Variants in THADA observed in about 807,000 individuals in gnomAD.
THADA encodes the protein tRNA (32-2'-O)-methyltransferase regulator THADA.
A neutral mutation model predicts 219.8 loss-of-function variants in THADA; 213 were observed. The observed-to-expected ratio is 0.97, with a 90% confidence interval of 0.87 to 1.09. The LOEUF is 1.09. Ranked by LOEUF, THADA falls within the 50% of genes least tolerant of loss-of-function variation. The pLI is 0.00. For synonymous variants in THADA, 1,018 were observed against 828.9 expected (o/e 1.23, Z -3.92); for missense variants, 2,956 against 2,311.3 (o/e 1.28, Z -5.72).
chr2:43,500,780 T>A (rs1201426998), intron 24 of THADA, among the ~76,000 whole-genome samples: 1 of 152,136 alleles, frequency 6.6e-6, no homozygotes, highest in Non-Finnish European at 1.5e-5. Context: ...AAAACAAACT[T>A]AGCATTATTT....
At chr2:43,274,491 T>A (rs1672488468) in intron 36 of THADA, among the ~76,000 whole-genome samples, 1 of 152,144 alleles carries the variant, frequency 6.6e-6, no homozygotes, top group African/African-American at 2.4e-5. Flanking sequence ...TCTAAGTTCA[T>A]GAGGGCTAGT....
chr2:43,255,850 C>T (rs1670252973), intron 36 of THADA, among the ~76,000 whole-genome samples: 1 of 152,136 alleles, frequency 6.6e-6, no homozygotes, highest in African/African-American at 2.4e-5. Flanking sequence ...ATTTCATTCC[C>T]ATCAAAGGTG....
chr2:43,296,870 C>A (rs923083571), intron 31 of THADA, among the ~76,000 whole-genome samples: 1 of 151,332 alleles, frequency 6.6e-6, no homozygotes, highest in East Asian at 1.9e-4. Flanking sequence ...GCTGGAGGAG[C>A]GGACGGGCCC....
intron 26 of THADA, among the ~76,000 whole-genome samples, chr2:43,441,156 G>T (rs1161202868): frequency 1.3e-5 from 2 of 152,170 alleles, no homozygotes; most frequent in African/African-American, 2.4e-5. Context: ...ATTTGTCAGG[G>T]TTTAAAAATA....
At position 43,571,542 on chromosome 2, in the gene THADA, G is replaced by A. The variant is rs373173555; in HGVS notation, c.2064+165C>T. ...CTCTGGATTTTAATCCCAAATGTAA[G>A]CTTTATGGAATGAGAGAACAGGTCA... On this transcript the variant is annotated intron_variant, in intron 13 of 37. Coordinates refer to ENST00000405975, the MANE Select transcript of THADA (RefSeq NM_022065.5). Among the ~76,000 whole-genome samples, 7 of 152,052 alleles carry A rather than the reference G, an allele frequency of 4.6e-5. No homozygotes were observed. The East Asian group carries it at 7.7e-4, about 17-fold the overall frequency.
chr2:43,345,550 C>T (rs1464514127), intron 29 of THADA, among the ~76,000 whole-genome samples: 1 of 152,200 alleles, frequency 6.6e-6, no homozygotes, highest in Non-Finnish European at 1.5e-5. Context: ...CACCACACCC[C>T]CGCAGGGACC....
intron 26 of THADA, among the ~76,000 whole-genome samples, chr2:43,468,079 G>A (rs1234575635): frequency 2.0e-5 from 3 of 152,178 alleles, no homozygotes; most frequent in African/African-American, 7.2e-5. Flanking sequence ...ACTGATCATA[G>A]CATCTGTCAC....
intron 30 of THADA, among the ~76,000 whole-genome samples, chr2:43,327,844 G>A (rs932628551): frequency 6.6e-6 from 1 of 152,132 alleles, no homozygotes; most frequent in Non-Finnish European, 1.5e-5. Flanking sequence ...AACTACCTCT[G>A]AGGATACGCT....
chr2:43,553,901 T>G (rs1697040424), intron 17 of THADA, among the ~76,000 whole-genome samples: 1 of 152,362 alleles, frequency 6.6e-6, no homozygotes, highest in South Asian at 2.1e-4. Context: ...GTGCTCATTG[T>G]TCATGTGTAT....
chr2:43,559,418 C>T (rs192336301), intron 16 of THADA, among the ~76,000 whole-genome samples: 12 of 152,312 alleles, frequency 7.9e-5, no homozygotes, highest in Admixed American at 7.2e-4. Flanking sequence ...CATCTACAAG[C>T]TACCATGCCC....
intron 36 of THADA, among the ~76,000 whole-genome samples, chr2:43,241,858 A>C (rs953639954): frequency 3.7e-4 from 56 of 152,100 alleles, no homozygotes; most frequent in Non-Finnish European, 6.3e-4. Flanking sequence ...GTACTGAAGA[A>C]GGCAGCTGGC....
chr2:43,578,441 C>A, intron 9 of THADA, 72 bp downstream of exon 9: 1 of 1,304,396 alleles, frequency 7.7e-7, no homozygotes, highest in Non-Finnish European at 1.1e-6. Context: ...GCCACTGCAC[C>A]AAGCCAAAAT....
At chr2:43,437,745 T>C (rs943373381) in intron 26 of THADA, among the ~76,000 whole-genome samples, 2 of 152,192 alleles carry the variant, frequency 1.3e-5, no homozygotes, top group Non-Finnish European at 2.9e-5. Context: ...AGGATGTTTA[T>C]ATAATGAACA....
intron 31 of THADA, among the ~76,000 whole-genome samples, chr2:43,310,903 G>A (rs753998956): frequency 4.6e-5 from 7 of 152,310 alleles, no homozygotes; most frequent in Middle Eastern, 3.4e-3. Flanking sequence ...TCGGCTGGGC[G>A]CGGTGGCTCA....
intron 9 of THADA, 27 bp downstream of exon 9, chr2:43,578,486 A>G (rs1361831334): frequency 6.5e-7 from 1 of 1,548,566 alleles, no homozygotes; most frequent in Non-Finnish European, 8.9e-7. Flanking sequence ...TCAATAAAGT[A>G]CAATTCTAAA....
At chr2:43,342,498 T>G (rs944971473) in intron 30 of THADA, among the ~76,000 whole-genome samples, 7 of 152,190 alleles carry the variant, frequency 4.6e-5, no homozygotes, top group African/African-American at 1.7e-4. Flanking sequence ...GCTAACTTCC[T>G]TATGGTTCTG....
At chr2:43,301,990 G>C (rs1676316578) in intron 31 of THADA, among the ~76,000 whole-genome samples, 1 of 152,044 alleles carries the variant, frequency 6.6e-6, no homozygotes, top group Admixed American at 6.5e-5. Context: ...CCAGTCTGAA[G>C]TTTAGCAGCC....
intron 35 of THADA, among the ~76,000 whole-genome samples, chr2:43,282,130 C>T (rs1673433044): frequency 6.6e-6 from 1 of 152,188 alleles, no homozygotes; most frequent in Admixed American, 6.5e-5. Flanking sequence ...ATTCCACACA[C>T]ATTTTACCTG....
Position 43,450,277 on chromosome 2 carries a change from T to G in THADA, c.3837-19975A>C, listed in dbSNP as rs550457655. On this transcript the variant is annotated intron_variant, in intron 26 of 37. Transcript: ENST00000405975. ...TTGTTTTCTACATAAATTAAGAGAT[T>G]TATGCACAAAAATAAAACAACTACT... 7.3e-5 allele frequency among the ~76,000 whole-genome samples: 11 copies of G among 150,980 alleles called. No individual in the cohort carries two copies. The South Asian group carries it at 1.1e-3, about 14-fold the overall frequency.
Sources: gnomAD v4.1 joint callset for allele counts (sites outside exome capture counted in the v4.1 genomes callset) on GRCh38, gnomAD v4.1.1 for gene constraint, MANE v1.5 for transcripts, NCBI Gene and HGNC (gene_info 2026-07-23, HGNC 2026-07-21) for gene names.